STRBP: variants seen among roughly 807,000 people sequenced by gnomAD.
The protein encoded by STRBP is spermatid perinuclear RNA-binding protein.
STRBP carries 13 observed loss-of-function variants against 80.1 expected under a neutral mutation model. The ratio of observed to expected loss-of-function variants is 0.16; its 90% CI spans 0.11 to 0.26. The LOEUF (loss-of-function observed/expected upper bound fraction) is 0.26, where lower values mean the gene tolerates loss of function less well. Ranked by LOEUF, STRBP falls within the 10% of genes least tolerant of loss-of-function variation. STRBP has a pLI of 1.00. For missense variants in STRBP, 485 were observed against 815.2 expected (o/e 0.59, Z 4.93); for synonymous variants, 284 against 291.2 (o/e 0.98, Z 0.25).
At chr9:123,144,781 C>T (rs920038225) in intron 13 of STRBP, among the ~76,000 whole-genome samples, 1 of 152,126 alleles carries the variant, frequency 6.6e-6, no homozygotes, top group African/African-American at 2.4e-5. Flanking sequence ...GGAGAACAAA[C>T]TACCTCAAAA....
chr9:123,205,987 AG>A (rs1362142298), intron 2 of STRBP, among the ~76,000 whole-genome samples: 5 of 152,224 alleles, frequency 3.3e-5, no homozygotes, highest in Non-Finnish European at 7.3e-5. Flanking sequence ...GAAGAATCTA[AG>A]ACAGGCCATC....
rs1480282875 is a variant in STRBP at position 123,268,562 on chromosome 9, C to G, written c.-428G>C. On this transcript the variant is annotated 5_prime_UTR_variant, in exon 1 of 19. Transcript: ENST00000348403. ...GCTGCGGCGGCTGCTGCCCTGGTGGCGCTCGCGGCTCCGGTCTCCGCTTCG... is the reference window on the plus strand; with the variant it reads ...GCTGCGGCGGCTGCTGCCCTGGTGGGGCTCGCGGCTCCGGTCTCCGCTTCG... 5.9e-6 allele frequency: 1 copy of G among 168,978 alleles called. No homozygotes were observed. The highest frequency in any genetic ancestry group is 1.3e-5 in the Non-Finnish European group (1 of 79,894). 10.5% of individuals were successfully genotyped at this position (168,978 alleles called of 1,614,324 possible). A position where few individuals can be genotyped will look rare whatever the true frequency, so the allele number is the denominator to read the frequency against.
intron 14 of STRBP, among the ~76,000 whole-genome samples, chr9:123,139,105 A>G (rs1564226446): frequency 6.6e-6 from 1 of 152,208 alleles, no homozygotes; most frequent in Non-Finnish European, 1.5e-5. Flanking sequence ...TGATGACCCA[A>G]TGTACCCCGC....
chr9:123,234,875 G>A (rs962891828), intron 2 of STRBP, among the ~76,000 whole-genome samples: 3 of 151,862 alleles, frequency 2.0e-5, no homozygotes, highest in African/African-American at 4.8e-5. Flanking sequence ...CAGGAGACTC[G>A]CTTGAACCTG....
intron 2 of STRBP, among the ~76,000 whole-genome samples, chr9:123,202,689 A>C (rs531277611): frequency 8.5e-5 from 13 of 152,286 alleles, no homozygotes; most frequent in African/African-American, 3.1e-4. Context: ...AAAATAGATA[A>C]AAGAGTATAA....
rs2035846324 is a variant in STRBP, at chr9:123,125,172, A to G, written c.*425T>C. 1.0e-6 allele frequency: 1 copy of G among 987,428 alleles called. No individual in the cohort carries two copies. The highest frequency in any genetic ancestry group is 1.7e-5 in the African/African-American group (1 of 57,426). 61.2% of individuals were successfully genotyped at this position (987,428 alleles called of 1,614,324 possible). On this transcript the variant is annotated 3_prime_UTR_variant, in exon 19 of 19. Transcript: ENST00000348403. ...AGTGCCCTGGGGCAAATACATATCA[A>G]TCAACTAAGAATCAGTGACTGCATC...
chr9:123,235,008 G>GA (rs2040512890), intron 2 of STRBP, among the ~76,000 whole-genome samples: 1 of 124,436 alleles, frequency 8.0e-6, no homozygotes, highest in African/African-American at 2.9e-5. Context: ...GGGGGGGGGG[G>GA]TACTGGGTAT....
intron 2 of STRBP, among the ~76,000 whole-genome samples, chr9:123,207,656 C>T (rs1363973551): frequency 6.6e-6 from 1 of 152,080 alleles, no homozygotes; most frequent in Non-Finnish European, 1.5e-5. Context: ...ATGGGTGCAG[C>T]AAACCACCAA....
intron 2 of STRBP, among the ~76,000 whole-genome samples, chr9:123,232,496 C>A (rs2040425777): frequency 6.6e-6 from 1 of 152,180 alleles, no homozygotes; most frequent in Non-Finnish European, 1.5e-5. Context: ...TTGTCTCTTC[C>A]ATCCCTCCTA....
Position 123,136,664 on chromosome 9 carries a change from G to A in STRBP, c.1498-149C>T. On this transcript the variant is annotated intron_variant, in intron 14 of 18. Transcript: ENST00000348403. The surrounding 1 kb of genome is among the most constrained non-coding windows in gnomAD (Gnocchi z 4.2). ...AATGAGTCACCTCTTTACACAAATG[G>A]CAAAATATCATTAAAGCTGTAAAAA... is the stretch of plus-strand genomic sequence containing the variant. 1 of 888,198 alleles carries A rather than the reference G, an allele frequency of 1.1e-6. No homozygotes were observed. The highest frequency in any genetic ancestry group is 1.7e-6 in the Non-Finnish European group (1 of 602,556). The allele number at this position is 888,198 out of a possible 1,614,324, so 55.0% of individuals were successfully genotyped here. A position where few individuals can be genotyped will look rare whatever the true frequency, so the allele number is the denominator to read the frequency against.
At chr9:123,169,479 A>C (rs1228276089) in intron 6 of STRBP, among the ~76,000 whole-genome samples, 3 of 152,140 alleles carry the variant, frequency 2.0e-5, no homozygotes, top group African/African-American at 7.2e-5. Flanking sequence ...CCAGGATGCA[A>C]GTAATTTTGG....
chr9:123,235,856 T>A (rs1025831306), intron 2 of STRBP, among the ~76,000 whole-genome samples: 1 of 152,142 alleles, frequency 6.6e-6, no homozygotes, highest in Non-Finnish European at 1.5e-5. Flanking sequence ...AGAAAAATAA[T>A]CAAAAATAAG....
intron 1 of STRBP, among the ~76,000 whole-genome samples, chr9:123,253,517 A>C (rs1189131252): frequency 2.6e-5 from 4 of 152,216 alleles, no homozygotes; most frequent in African/African-American, 9.6e-5. Flanking sequence ...CCAACTTTTC[A>C]AGCCAAATAG....
chr9:123,128,394 C>T lies in STRBP; in HGVS notation c.1898-136G>A, dbSNP rs1024110417. On this transcript the variant is annotated intron_variant, in intron 17 of 18. Transcript: ENST00000348403. ...GATGTTGGATGAATGAGAACCACTG[C>T]CAGAATGGTCCCAGTCTAGCCACTC... 9.7e-6 allele frequency: 9 copies of T among 930,344 alleles called. No homozygotes were observed. In the Admixed American group the frequency reaches 1.4e-4, roughly 15 times the overall value. The allele number at this position is 930,344 out of a possible 1,614,324, so 57.6% of individuals were successfully genotyped here.
intron 2 of STRBP, among the ~76,000 whole-genome samples, chr9:123,216,738 G>A (rs1176810029): frequency 1.3e-5 from 2 of 152,190 alleles, no homozygotes; most frequent in Non-Finnish European, 2.9e-5. Flanking sequence ...TTGTAAAACT[G>A]ATTACCTTGG....
chr9:123,179,594 G>A (rs1345171837), intron 3 of STRBP, among the ~76,000 whole-genome samples: 1 of 151,968 alleles, frequency 6.6e-6, no homozygotes, highest in Non-Finnish European at 1.5e-5. Flanking sequence ...TGGCCGACAT[G>A]GTAAAACCCC....
chr9:123,169,172 C>CT (rs397950031), intron 6 of STRBP, among the ~76,000 whole-genome samples: 6,475 of 136,858 alleles, frequency 0.047, 186 homozygotes, highest in African/African-American at 0.061. Context: ...GCAAATAATT[C>CT]TTTTTTTTTT....
chr9:123,258,722 A>G (rs1016359019), intron 1 of STRBP, among the ~76,000 whole-genome samples: 6 of 149,582 alleles, frequency 4.0e-5, no homozygotes, highest in Non-Finnish European at 7.4e-5. Context: ...AATGGTGTGA[A>G]CCCCGGAGGC....
chr9:123,197,733 A>G (rs2039153968), intron 2 of STRBP, among the ~76,000 whole-genome samples: 1 of 119,698 alleles, frequency 8.4e-6, no homozygotes, highest in African/African-American at 3.2e-5. Flanking sequence ...GGAATGCAGT[A>G]GCGCGATCTC....
Sources: gnomAD v4.1 joint callset for allele counts (sites outside exome capture counted in the v4.1 genomes callset) on GRCh38, gnomAD v4.1.1 for gene constraint, Gnocchi (gnomAD v3.1) non-coding constraint, MANE v1.5 for transcripts, NCBI Gene and HGNC (gene_info 2026-07-23, HGNC 2026-07-21) for gene names.